The following ADAM8 variants were observed in gnomAD, a reference collection of about 807,000 sequenced individuals.
The protein encoded by ADAM8 is disintegrin and metalloproteinase domain-containing protein 8.
Under a neutral mutation model 102.4 loss-of-function variants are expected in ADAM8, and 104 were observed. The observed-to-expected ratio is 1.02, with a 90% CI of 0.87 to 1.20. ADAM8 has a LOEUF of 1.20. Among genes scored for constraint, ADAM8 ranks in the 50% most tolerant of loss-of-function variants. The pLI, the probability that ADAM8 is intolerant of heterozygous loss-of-function variation, is 0.00. For synonymous variants in ADAM8, 517 were observed against 485.2 expected (o/e 1.07, Z -0.86); for missense variants, 1,132 against 1,159.0 (o/e 0.98, Z 0.34).
In ADAM8 at chr10:133,272,185, C is replaced by T. The variant is rs1336080586; in HGVS notation, c.957+8G>A. Reference sequence around the variant, plus strand: ...CGGCCTGGCAAACCCGGGCAGGAGCCCCCTCACCTGGTTCACAGCCCCTGA... The same window carrying T: ...CGGCCTGGCAAACCCGGGCAGGAGCTCCCTCACCTGGTTCACAGCCCCTGA... On this transcript the variant is annotated splice_region_variant and intron_variant, in intron 10 of 22. Coordinates refer to ENST00000445355, the MANE Select transcript of ADAM8 (RefSeq NM_001109.5). 1.3e-6 allele frequency: 2 copies of T among 1,549,896 alleles called. No homozygotes were observed. The highest frequency in any genetic ancestry group is 8.7e-7 in the Non-Finnish European group (1 of 1,146,698).
In ADAM8 at chr10:133,263,190, C is replaced by T. The variant is rs760526884; in HGVS notation, c.2441G>A (p.Arg814Lys). The change falls in exon 23 of 23, where the codon AGG becomes AAG. Residue 814 changes from arginine to lysine, a missense_variant. By Grantham distance (26) the Arg-to-Lys change is conservative (BLOSUM62 2). Coordinates refer to ENST00000445355, the MANE Select transcript of ADAM8 (RefSeq NM_001109.5). ...PKVALKPPIQ[R>K]KQGAGAPTAP is the part of the protein sequence containing the mutation. ...TGTGGGAGCTCCGGCTCCTTGCTTC[C>T]TCTGGATGGGGGGCTTCAGGGCAAC... 3.7e-5 allele frequency: 59 copies of T among 1,613,504 alleles called. 1 individual carries two copies. In the Admixed American group the frequency reaches 9.8e-4, roughly 27 times the overall value.
intron 2 of ADAM8, 85 bp downstream of exon 2, chr10:133,275,399 A>C: frequency 9.3e-7 from 1 of 1,073,434 alleles, no homozygotes; most frequent in Non-Finnish European, 1.4e-6. Context: ...CTGGCCTCTC[A>C]CCACTTTCTG....
Position 133,268,939 on chromosome 10 carries a change from G to A in ADAM8, c.1949-77C>T, listed in dbSNP as rs189940416. 1.8e-3 allele frequency: 2,711 copies of A among 1,545,292 alleles called. 3 individuals carry two copies. The highest frequency in any genetic ancestry group is 3.2e-3 in the South Asian group (269 of 84,822). ...GAGCCAGGGAGGTTCCCAGAGACAC[G>A]GTCTTTCTCAGCACCCCCAGGCTGT... is the stretch of plus-strand genomic sequence containing the variant. On this transcript the variant is annotated intron_variant, in intron 18 of 22. Coordinates refer to ENST00000445355, the MANE Select transcript of ADAM8 (RefSeq NM_001109.5).
At chr10:133,274,748 C>T (rs576546760) in intron 2 of ADAM8, 35 of 324,082 alleles carry the variant, frequency 1.1e-4, no homozygotes, top group Non-Finnish European at 2.1e-4. Flanking sequence ...GCCCCTCCAG[C>T]GACAGCTGCC....
In ADAM8 at chr10:133,262,804, G is replaced by A. The variant is rs759477757; in HGVS notation, c.*352C>T. The A allele has an allele frequency of 2.5e-5, 7 of 278,490 alleles. No individual in the cohort carries two copies. In the Admixed American group the frequency reaches 3.1e-4, roughly 12 times the overall value. The allele number at this position is 278,490 out of a possible 1,614,324, so 17.3% of individuals were successfully genotyped here. A position where few individuals can be genotyped will look rare whatever the true frequency, so the allele number is the denominator to read the frequency against. ...AGCCGGCTCAGCAGGCCCCAGAGCA[G>A]GGGCAGGTGTGGCTGGGAGGGGCTG... On this transcript the variant is annotated 3_prime_UTR_variant, in exon 23 of 23. Coordinates refer to ENST00000445355, the MANE Select transcript of ADAM8 (RefSeq NM_001109.5).
intron 1 of ADAM8, 34 bp from the exon 2 acceptor site, chr10:133,275,621 C>T (rs1054088794): frequency 3.7e-5 from 47 of 1,255,418 alleles, no homozygotes; most frequent in Non-Finnish European, 4.5e-5. Context: ...CATGAGGGGC[C>T]GGGGGGCAGG....
In ADAM8 at chr10:133,269,925, T is replaced by C; in HGVS notation, c.1835A>G (p.Asn612Ser). 1 of 1,612,746 alleles carries C rather than the reference T, an allele frequency of 6.2e-7. No homozygotes were observed. ...ATGGTTGTGGCACTGGGCAGAGCAG[T>C]TGCTGGATCTGTAAACGTGTAAGTC... Reference protein sequence around the residue: ...CQDLHVYRSSNCSAQCHNHGV... With the variant: ...CQDLHVYRSSSCSAQCHNHGV... Residue 612 changes from asparagine to serine, a missense_variant, in exon 17 of 23, where the codon AAC becomes AGC. Transcript: ENST00000445355.
At chr10:133,263,609 A>T in intron 22 of ADAM8, 79 bp downstream of exon 22, 3 of 64,778 alleles carry the variant, frequency 4.6e-5, no homozygotes, top group African/African-American at 3.1e-4. Flanking sequence ...CCTCCAGGGC[A>T]GTGCCACCGT....
At chr10:133,270,274 C>G in intron 16 of ADAM8, 86 bp downstream of exon 16, 2 of 1,500,218 alleles carry the variant, frequency 1.3e-6, no homozygotes, top group East Asian at 4.6e-5. Flanking sequence ...CGAGCAGCTG[C>G]CAAGCTCAGA....
At position 133,267,394 on chromosome 10, in the gene ADAM8, T is replaced by TG; in HGVS notation, c.2276dup (p.Pro760ThrfsTer40). On this transcript the variant is annotated frameshift_variant, in exon 21 of 23. Coordinates refer to ENST00000445355, the MANE Select transcript of ADAM8 (RefSeq NM_001109.5). LOFTEE classifies it high-confidence loss of function. ...GGGTGTAGACAGGAACTGGGAAGGG[T>TG]GGGCTGGACACAGTGACCGGAGGCT... The TG allele has an allele frequency of 6.2e-7, 1 of 1,610,230 alleles. No homozygotes were observed. Among genetic ancestry groups the TG allele is most frequent in the Non-Finnish European group, 8.5e-7 (1 of 1,179,110 alleles).
chr10:133,272,206 CCT>C lies in ADAM8; in HGVS notation c.942_943del (p.Ala316CysfsTer19). ...GAGCCCCCTCACCTGGTTCACAGCC[CCT>C]GAGCTGTGGGAGCACATGGCGGACA... is the stretch of plus-strand genomic sequence containing the variant. On this transcript the variant is annotated frameshift_variant, in exon 10 of 23. Coordinates refer to ENST00000445355, the MANE Select transcript of ADAM8 (RefSeq NM_001109.5). LOFTEE classifies it high-confidence loss of function. The C allele has an allele frequency of 1.3e-6, 2 of 1,549,956 alleles. No homozygotes were observed. The highest frequency in any genetic ancestry group is 1.7e-6 in the Non-Finnish European group (2 of 1,146,748).
Position 133,272,796 on chromosome 10 carries a change from A to G in ADAM8, c.705+2T>C. 1 of 1,603,242 alleles carries G rather than the reference A, an allele frequency of 6.2e-7. No homozygotes were observed. Among genetic ancestry groups the G allele is most frequent in the South Asian group, 1.1e-5 (1 of 90,680 alleles). ...ACCTCTGCAGCCAGGACCGCTGCCC[A>G]CCTTGTCCACGTGATTCACCACCTC... On this transcript the variant is annotated splice_donor_variant, in intron 8 of 22. Transcript: ENST00000445355. LOFTEE classifies it high-confidence loss of function.
At chr10:133,267,253 TG>T in intron 21 of ADAM8, 98 bp downstream of exon 21, 1 of 1,333,330 alleles carries the variant, frequency 7.5e-7, no homozygotes. Context: ...AGGGGCCACC[TG>T]GGGATCCCTG....
At position 133,263,074 on chromosome 10, in the gene ADAM8, A is replaced by C; in HGVS notation, c.*82T>G. 6.6e-7 allele frequency: 1 copy of C among 1,521,342 alleles called. No individual in the cohort carries two copies. The highest frequency in any genetic ancestry group is 9.1e-7 in the Non-Finnish European group (1 of 1,095,626). 94.2% of individuals were successfully genotyped at this position (1,521,342 alleles called of 1,614,324 possible). The stretch of plus-strand genomic sequence containing the variant: ...AAGTCAGGGTCTAGGGCTGAGCGGC[A>C]CTAGCTGGACCGTGGAATGCTGGAA... On this transcript the variant is annotated 3_prime_UTR_variant, in exon 23 of 23. Transcript: ENST00000445355.
intron 18 of ADAM8, chr10:133,269,168 A>G: frequency 1.0e-6 from 1 of 984,328 alleles, no homozygotes; most frequent in Non-Finnish European, 1.2e-6. Context: ...CCCCGGGCCG[A>G]GGAGGGGCTG....
At position 133,268,809 on chromosome 10, in the gene ADAM8, C is replaced by T; in HGVS notation, c.2002G>A (p.Val668Met). 6.2e-7 allele frequency: 1 copy of T among 1,610,678 alleles called. No homozygotes were observed. Among genetic ancestry groups the T allele is most frequent in the South Asian group, 1.1e-5 (1 of 91,078 alleles). Residue 668 changes from valine to methionine, a missense_variant, in exon 19 of 23, where the codon GTG becomes ATG. Transcript: ENST00000445355. ...ATGATGCCTGCCAGGGTGACCAGCA[C>T]AACTGCCAGGAGCACCAGAACCACC... ...VVVVLVLLAV[V>M]LVTLAGIIVY...
chr10:133,274,532 G>A (rs1245344430), intron 2 of ADAM8, among the ~76,000 whole-genome samples: 1 of 150,676 alleles, frequency 6.6e-6, no homozygotes, highest in African/African-American at 2.4e-5. Context: ...GGTAGGGAAC[G>A]GGGCTGTGCT....
chr10:133,270,388 G>C lies in ADAM8; in HGVS notation c.1757C>G (p.Pro586Arg). ...TEDGTAYEPV[P>R]EGTRCGPEKV... ...CTCTGGTCCACACCGGGTGCCCTCG[G>C]GCACTGGTTCATACGCAGTGCCATC... Residue 586 changes from proline to arginine, a missense_variant, in exon 16 of 23, where the codon CCC becomes CGC. Pro to Arg is a moderately radical substitution (Grantham distance 103). Transcript: ENST00000445355. The C allele has an allele frequency of 6.3e-7, 1 of 1,592,128 alleles. No homozygotes were observed. The highest frequency in any genetic ancestry group is 1.1e-5 in the South Asian group (1 of 90,436).
chr10:133,273,106 C>T (rs1173331227), intron 6 of ADAM8, 87 bp from the exon 7 acceptor site: 5 of 1,602,486 alleles, frequency 3.1e-6, no homozygotes, highest in East Asian at 4.5e-5. Flanking sequence ...CTGTCCAGCC[C>T]CTGTCCAGTG....
Sources: gnomAD v4.1 joint callset for allele counts (sites outside exome capture counted in the v4.1 genomes callset) on GRCh38, gnomAD v4.1.1 for gene constraint, MANE v1.5 for transcripts, NCBI Gene and HGNC (gene_info 2026-07-23, HGNC 2026-07-21) for gene names.